Variants in UBR3 observed in about 807,000 individuals in gnomAD.
UBR3 encodes E3 ubiquitin-protein ligase UBR3.
UBR3 carries 85 observed loss-of-function variants against 243.2 expected under a neutral mutation model. The observed-to-expected ratio is 0.35, with a 90% CI of 0.29 to 0.42. The LOEUF (loss-of-function observed/expected upper bound fraction) is 0.42, where lower values mean the gene tolerates loss of function less well. Ranked by LOEUF, UBR3 falls within the 10% of genes least tolerant of loss-of-function variation. UBR3 has a pLI of 1.00. For missense variants in UBR3, 1,686 were observed against 2,300.8 expected (o/e 0.73, Z 5.47); for synonymous variants, 748 against 799.8 (o/e 0.94, Z 1.09).
chr2:169,834,521 T>C (rs1240707160), intron 1 of UBR3, among the ~76,000 whole-genome samples: 2 of 152,250 alleles, frequency 1.3e-5, no homozygotes, highest in Non-Finnish European at 1.5e-5. Context: ...CTGCCAACAA[T>C]GTATGAAACA....
chr2:169,933,850 CA>C (rs1314108462), intron 19 of UBR3, among the ~76,000 whole-genome samples: 1 of 150,766 alleles, frequency 6.6e-6, no homozygotes, highest in African/African-American at 2.4e-5. Context: ...CTTCCTCCCC[CA>C]AACAAAACCA....
intron 11 of UBR3, among the ~76,000 whole-genome samples, chr2:169,922,288 T>TAAA (rs748782463): frequency 1.4e-3 from 167 of 122,744 alleles, no homozygotes; most frequent in African/African-American, 4.8e-3. Flanking sequence ...CCTGTCTATT[T>TAAA]AAAAAAAAAA....
intron 31 of UBR3, among the ~76,000 whole-genome samples, chr2:170,030,764 TC>T (rs1410671430): frequency 2.0e-5 from 3 of 152,150 alleles, no homozygotes; most frequent in Admixed American, 6.5e-5. Context: ...TCAGTTTTTT[TC>T]CTCAATATTT....
chr2:169,859,141 A>G (rs920020200), intron 1 of UBR3, among the ~76,000 whole-genome samples: 1 of 127,932 alleles, frequency 7.8e-6, no homozygotes, highest in Non-Finnish European at 1.5e-5. Flanking sequence ...GCTGGAGTGC[A>G]GTGGCGTGAT....
At chr2:169,995,473 A>T (rs374325091) in intron 26 of UBR3, among the ~76,000 whole-genome samples, 3 of 152,240 alleles carry the variant, frequency 2.0e-5, no homozygotes, top group African/African-American at 4.8e-5. Flanking sequence ...AATATACTAC[A>T]GGAATTTAAC....
At chr2:169,968,737 C>A (rs1457967852) in intron 24 of UBR3, among the ~76,000 whole-genome samples, 1 of 152,140 alleles carries the variant, frequency 6.6e-6, no homozygotes. Flanking sequence ...TTTGGTAGAT[C>A]TATTTTTACT....
chr2:170,073,343 A>T, intron 35 of UBR3, 85 bp from the exon 36 acceptor site: 1 of 1,487,158 alleles, frequency 6.7e-7, no homozygotes, highest in Non-Finnish European at 9.2e-7. Flanking sequence ...TATTGTCTCA[A>T]AGTAATTGAT....
chr2:170,007,960 C>T (rs903778838), intron 28 of UBR3, among the ~76,000 whole-genome samples: 16 of 152,078 alleles, frequency 1.1e-4, no homozygotes, highest in African/African-American at 3.9e-4. Context: ...ACAATTTAAT[C>T]ACTTAAAAAT....
At chr2:170,010,674 C>T (rs181139788) in intron 29 of UBR3, among the ~76,000 whole-genome samples, 6 of 152,066 alleles carry the variant, frequency 3.9e-5, no homozygotes, top group South Asian at 2.1e-4. Context: ...AAGGTGTAAA[C>T]GGAGAAACAG....
chr2:170,064,883 C>T (rs2091527786), intron 35 of UBR3, among the ~76,000 whole-genome samples: 1 of 149,910 alleles, frequency 6.7e-6, no homozygotes, highest in Admixed American at 6.7e-5. Flanking sequence ...CGCTTTGTCG[C>T]CCAGGCTGGA....
At position 170,017,491 on chromosome 2, in the gene UBR3, A is replaced by G. The variant is rs1237043904; in HGVS notation, c.4453+2125A>G. On this transcript the variant is annotated intron_variant, in intron 30 of 38. Transcript: ENST00000272793. The stretch of plus-strand genomic sequence containing the variant: ...AACTTTTAATAAATTTTGTCTAGAG[A>G]GGATTGCGTAATGCCTGGTATATAA... Among the ~76,000 whole-genome samples the G allele has an allele frequency of 5.9e-5, 9 of 151,686 alleles. No individual in the cohort carries two copies. In the East Asian group the frequency reaches 1.5e-3, roughly 26 times the overall value.
intron 13 of UBR3, among the ~76,000 whole-genome samples, chr2:169,924,521 CT>C (rs1266236155): frequency 6.6e-6 from 1 of 152,072 alleles, no homozygotes; most frequent in Non-Finnish European, 1.5e-5. Flanking sequence ...CTCCTTGATT[CT>C]CAGTTTCCCT....
chr2:169,894,346 A>AAG, intron 6 of UBR3, among the ~76,000 whole-genome samples: 1 of 144,874 alleles, frequency 6.9e-6, no homozygotes, highest in Admixed American at 7.0e-5. Flanking sequence ...AAAAAAAAAA[A>AAG]AAAGATGTAT....
At chr2:169,933,880 TAAC>T (rs67099094) in intron 19 of UBR3, among the ~76,000 whole-genome samples, 63,813 of 151,244 alleles carry the variant, frequency 0.42, 15,028 homozygotes, top group Non-Finnish European at 0.54. Flanking sequence ...TTTAAATCAA[TAAC>T]AACAACAACA....
chr2:170,018,351 T>A (rs1330842789), intron 30 of UBR3, among the ~76,000 whole-genome samples: 1 of 152,230 alleles, frequency 6.6e-6, no homozygotes, highest in East Asian at 1.9e-4. Flanking sequence ...GCCAGTTTGC[T>A]GGCTGGTTCC....
chr2:170,021,876 T>A (rs751232148), intron 30 of UBR3, among the ~76,000 whole-genome samples: 2 of 152,154 alleles, frequency 1.3e-5, no homozygotes, highest in Non-Finnish European at 2.9e-5. Context: ...TATTTATAAT[T>A]TGGGCATTCA....
intron 1 of UBR3, among the ~76,000 whole-genome samples, chr2:169,862,253 C>T (rs1253444299): frequency 6.6e-6 from 1 of 151,894 alleles, no homozygotes; most frequent in South Asian, 2.1e-4. Flanking sequence ...CTAAATAGTA[C>T]TTAAACCCGT....
rs993607868 is a variant in UBR3, at chr2:170,001,238, A to T, written c.3919-66A>T. 86 of 1,128,950 alleles carry T rather than the reference A, an allele frequency of 7.6e-5. No homozygotes were observed. The Admixed American group carries it at 1.5e-3, about 19-fold the overall frequency. The allele number at this position is 1,128,950 out of a possible 1,614,324, so 69.9% of individuals were successfully genotyped here. On this transcript the variant is annotated intron_variant, in intron 26 of 38. Coordinates refer to ENST00000272793, the MANE Select transcript of UBR3 (RefSeq NM_172070.4). ...ATCATGCAGAGGTTTATGTGGACAT[A>T]CTAATATTTAAATATGTTTGTACTT...
rs767922927 is a variant in UBR3 at position 170,061,088 on chromosome 2, G to A, written c.4795G>A (p.Asp1599Asn). Residue 1599 changes from aspartate (D) to asparagine (N), a missense_variant, in exon 34 of 39, where the codon GAT becomes AAT. Asp to Asn is a conservative substitution (Grantham distance 23). This residue lies in a region of UBR3 where 371 missense variants were observed against 422.5 expected (regional missense o/e 0.88). Transcript: ENST00000272793. ...ATTTTAATTTTTTCAGAGTACATGT[G>A]ATGCAGAAAAGTCTTACGAAGTATT... Reference protein sequence around the residue: ...HAGALKKSTCDAEKSYEVLLS... With the variant: ...HAGALKKSTCNAEKSYEVLLS... The A allele has an allele frequency of 1.3e-6, 2 of 1,567,946 alleles. No individual in the cohort carries two copies. Among genetic ancestry groups the A allele is most frequent in the Non-Finnish European group, 1.7e-6 (2 of 1,164,662 alleles).
Sources: allele counts gnomAD v4.1 joint callset (sites outside exome capture counted in the v4.1 genomes callset), GRCh38; gene constraint gnomAD v4.1.1; regional missense constraint gnomAD v4.1.1; transcripts MANE v1.5; gene names NCBI Gene and HGNC (gene_info 2026-07-23, HGNC 2026-07-21).